The following ATAD5 variants were observed in gnomAD, a reference collection of about 807,000 sequenced individuals.
The protein encoded by ATAD5 is ATPase family AAA domain-containing protein 5.
ATAD5 carries 58 observed loss-of-function variants against 176.9 expected under a neutral mutation model. That is an observed-to-expected ratio of 0.33 (90% CI 0.27 to 0.41). The LOEUF is 0.41. Among genes scored for constraint, ATAD5 ranks in the 10% least tolerant of loss-of-function variants. The probability of loss-of-function intolerance (pLI) is 1.00; values close to 1 mark genes in which losing one functional copy is unlikely to be tolerated. For synonymous variants in ATAD5, 640 were observed against 712.6 expected (o/e 0.90, Z 1.62); for missense variants, 1,789 against 2,094.1 (o/e 0.85, Z 2.84).
Position 30,834,137 on chromosome 17 carries a change from TA to T in ATAD5, c.67-8del. 6.5e-7 allele frequency: 1 copy of T among 1,528,314 alleles called. No individual in the cohort carries two copies. Among genetic ancestry groups the T allele is most frequent in the Non-Finnish European group, 8.7e-7 (1 of 1,143,836 alleles). The allele number at this position is 1,528,314 out of a possible 1,614,324, so 94.7% of individuals were successfully genotyped here. On this transcript the variant is annotated splice_polypyrimidine_tract_variant and intron_variant, in intron 1 of 22. Transcript: ENST00000321990. The stretch of plus-strand genomic sequence containing the variant: ...TTGAAATAAGTGCCTTTTTCTCTTT[TA>T]AATTGCCAGCCATGCAAAAAGCGAA...
intron 19 of ATAD5, among the ~76,000 whole-genome samples, chr17:30,888,853 G>A (rs761042940): frequency 5.9e-5 from 9 of 151,864 alleles, no homozygotes; most frequent in Non-Finnish European, 1.2e-4. Context: ...AGATCATGAG[G>A]TCAGGAGATC....
intron 16 of ATAD5, among the ~76,000 whole-genome samples, 185 bp from the exon 17 acceptor site, chr17:30,877,815 GTTT>G (rs1220661556): frequency 3.9e-5 from 6 of 152,112 alleles, no homozygotes; most frequent in Non-Finnish European, 7.4e-5. Flanking sequence ...GGCTGCGTTT[GTTT>G]TTAACATTTG....
intron 14 of ATAD5, among the ~76,000 whole-genome samples, chr17:30,870,801 G>A (rs1021948957): frequency 9.9e-5 from 15 of 151,894 alleles, no homozygotes; most frequent in Non-Finnish European, 2.1e-4. Context: ...TCACCTCTTT[G>A]TGTTTATTAT....
chr17:30,879,419 G>A lies in ATAD5; in HGVS notation c.4013-4G>A, dbSNP rs1344848232. Reference sequence around the variant, plus strand: ...TTTTTTTTTGTGTGTGTGTGTGTGTGTAGACCCAACATTTAGTTTAATGTT... The same window carrying A: ...TTTTTTTTTGTGTGTGTGTGTGTGTATAGACCCAACATTTAGTTTAATGTT... On this transcript the variant is annotated splice_region_variant and splice_polypyrimidine_tract_variant and intron_variant, in intron 17 of 22. Coordinates refer to ENST00000321990, the MANE Select transcript of ATAD5 (RefSeq NM_024857.5). 3.1e-6 allele frequency: 5 copies of A among 1,596,074 alleles called. No homozygotes were observed. Among genetic ancestry groups the A allele is most frequent in the Non-Finnish European group, 3.4e-6 (4 of 1,173,682 alleles).
intron 6 of ATAD5, among the ~76,000 whole-genome samples, chr17:30,849,998 A>G (rs1240790627): frequency 6.6e-6 from 1 of 152,072 alleles, no homozygotes; most frequent in African/African-American, 2.4e-5. Context: ...ACAACTAGCC[A>G]GGCATGGTGG....
At chr17:30,841,133 C>G (rs1597954499) in intron 4 of ATAD5, among the ~76,000 whole-genome samples, 2 of 152,048 alleles carry the variant, frequency 1.3e-5, no homozygotes. Flanking sequence ...CCTCGGCCTC[C>G]CAAGTAGCTG....
At chr17:30,863,351 A>T (rs904619270) in intron 10 of ATAD5, among the ~76,000 whole-genome samples, 4 of 148,684 alleles carry the variant, frequency 2.7e-5, no homozygotes, top group African/African-American at 9.9e-5. Flanking sequence ...GCCCACCACC[A>T]TGCTCGGCTA....
Position 30,832,089 on chromosome 17 carries a change from G to A in ATAD5, c.-259G>A, listed in dbSNP as rs1173187878. The A allele has an allele frequency of 1.0e-5, 4 of 385,874 alleles. No individual in the cohort carries two copies. The highest frequency in any genetic ancestry group is 2.7e-4 in the South Asian group (2 of 7,290). 23.9% of individuals were successfully genotyped at this position (385,874 alleles called of 1,614,324 possible). On this transcript the variant is annotated 5_prime_UTR_variant, in exon 1 of 23. Coordinates refer to ENST00000321990, the MANE Select transcript of ATAD5 (RefSeq NM_024857.5). Reference sequence around the variant, plus strand: ...GCTCAGCCTGAAGCGCCGCTTTCGAGGGCACCCTGCATACACTGGCCGCGC... The same window carrying A: ...GCTCAGCCTGAAGCGCCGCTTTCGAAGGCACCCTGCATACACTGGCCGCGC...
intron 4 of ATAD5, among the ~76,000 whole-genome samples, chr17:30,842,162 A>G (rs1434302833): frequency 6.6e-6 from 1 of 151,968 alleles, no homozygotes; most frequent in East Asian, 1.9e-4. Context: ...TCAGCTACTC[A>G]GGAGGCTGAG....
Position 30,834,636 on chromosome 17 carries a change from G to T in ATAD5, c.555G>T (p.Leu185=). 6.2e-7 allele frequency: 1 copy of T among 1,610,772 alleles called. No homozygotes were observed. The highest frequency in any genetic ancestry group is 8.5e-7 in the Non-Finnish European group (1 of 1,179,266). Residue 185 remains leucine (L), a synonymous_variant, in exon 2 of 23, where the codon CTG becomes CTT. Coordinates refer to ENST00000321990, the MANE Select transcript of ATAD5 (RefSeq NM_024857.5). The stretch of plus-strand genomic sequence containing the variant: ...GTCAACCAAATACTATGACCTCCCT[G>T]CAAAATTCTAAAAAAGTAAATCCTA... ...TKSQPNTMTS[L]QNSKKVNPKQ...
intron 19 of ATAD5, among the ~76,000 whole-genome samples, 177 bp downstream of exon 19, chr17:30,887,549 C>G (rs994407849): frequency 1.3e-5 from 2 of 152,070 alleles, no homozygotes; most frequent in African/African-American, 4.8e-5. Flanking sequence ...AGACCCCTGT[C>G]TCTACAAGAA....
intron 18 of ATAD5, among the ~76,000 whole-genome samples, chr17:30,884,957 C>T (rs1186776626): frequency 6.6e-6 from 1 of 151,832 alleles, no homozygotes; most frequent in African/African-American, 2.4e-5. Context: ...CTGTGTTAGC[C>T]AGGATGGTCT....
rs201420202 is a variant in ATAD5 at position 30,868,426 on chromosome 17, CTT to C, written c.3313+28_3313+29del. On this transcript the variant is annotated intron_variant, in intron 12 of 22. Coordinates refer to ENST00000321990, the MANE Select transcript of ATAD5 (RefSeq NM_024857.5). ...AGAAACATGAAGGTATTTTGTGTGT[CTT>C]TTTTTTTTTTTTTACCATTTCACTG... 47,462 of 1,172,500 alleles carry C rather than the reference CTT, an allele frequency of 0.04. No homozygotes were observed. Among genetic ancestry groups the C allele is most frequent in the South Asian group, 0.074 (3,637 of 49,132 alleles). 72.6% of individuals were successfully genotyped at this position (1,172,500 alleles called of 1,614,324 possible). A position where few individuals can be genotyped will look rare whatever the true frequency, so the allele number is the denominator to read the frequency against.
intron 19 of ATAD5, among the ~76,000 whole-genome samples, chr17:30,888,035 A>T (rs1034297097): frequency 2.0e-5 from 3 of 151,476 alleles, no homozygotes; most frequent in Admixed American, 2.0e-4. Flanking sequence ...GGGTTTCATT[A>T]TGTTGGCTAG....
At position 30,868,497 on chromosome 17, in the gene ATAD5, C is replaced by CT. The variant is rs1428240187; in HGVS notation, c.3313+95dup. 6.6e-3 allele frequency: 4,331 copies of CT among 656,028 alleles called. 37 individuals are homozygous for CT. Among genetic ancestry groups the CT allele is most frequent in the African/African-American group, 0.04 (1,834 of 45,840 alleles). 40.6% of individuals were successfully genotyped at this position (656,028 alleles called of 1,614,324 possible). On this transcript the variant is annotated intron_variant, in intron 12 of 22. Coordinates refer to ENST00000321990, the MANE Select transcript of ATAD5 (RefSeq NM_024857.5). ...TTAACTAAAACTTTCTATAAAATTT[C>CT]TTTTTTTTTTAATTTTTTTTTTTTT... is the stretch of plus-strand genomic sequence containing the variant.
In ATAD5 at chr17:30,834,185, C is replaced by T; in HGVS notation, c.104C>T (p.Thr35Ile). The T allele has an allele frequency of 6.3e-7, 1 of 1,583,744 alleles. No homozygotes were observed. The highest frequency in any genetic ancestry group is 8.5e-7 in the Non-Finnish European group (1 of 1,170,098). Residue 35 changes from threonine (T) to isoleucine (I), a missense_variant, in exon 2 of 23, where the codon ACC becomes ATC. Around this residue, in one of 6 missense-constraint regions of ATAD5, gnomAD observed 696 missense variants for 712.5 expected, o/e 0.98. Transcript: ENST00000321990. ...CGAAAGAAAGATGATGACACATCTACCTGCAAAACAATTACAAAATATTTA... is the reference window on the plus strand; with the variant it reads ...CGAAAGAAAGATGATGACACATCTATCTGCAAAACAATTACAAAATATTTA... ...KKRKKDDDTS[T>I]CKTITKYLSP... is the part of the protein sequence containing the mutation.
chr17:30,855,430 CT>C, intron 7 of ATAD5, 103 bp downstream of exon 7: 2 of 1,182,024 alleles, frequency 1.7e-6, no homozygotes, highest in South Asian at 3.5e-5. Context: ...AATTATCATT[CT>C]TATGGTGACT....
intron 18 of ATAD5, among the ~76,000 whole-genome samples, chr17:30,885,114 G>A (rs904984119): frequency 5.3e-5 from 8 of 152,056 alleles, no homozygotes; most frequent in Non-Finnish European, 1.0e-4. Flanking sequence ...CTTTGTCGTT[G>A]CTAAATTCTC....
In ATAD5 at chr17:30,866,032, C is replaced by T. The variant is rs897872627; in HGVS notation, c.3233+232C>T. Among the ~76,000 whole-genome samples, 6 of 151,804 alleles carry T rather than the reference C, an allele frequency of 4.0e-5. No homozygotes were observed. The South Asian group carries it at 6.2e-4, about 16-fold the overall frequency. On this transcript the variant is annotated intron_variant, in intron 11 of 22. Coordinates refer to ENST00000321990, the MANE Select transcript of ATAD5 (RefSeq NM_024857.5). ...AATATTTTTATGCATATGTTAGTTC[C>T]TTCCTTTCTAACAAATGGGATCACA...
Sources: allele counts gnomAD v4.1 joint callset (sites outside exome capture counted in the v4.1 genomes callset), GRCh38; gene constraint gnomAD v4.1.1; regional missense constraint gnomAD v4.1.1; transcripts MANE v1.5; gene names NCBI Gene and HGNC (gene_info 2026-07-23, HGNC 2026-07-21).